Variants in LRP1B observed in about 807,000 individuals in gnomAD.
The protein encoded by LRP1B is low-density lipoprotein receptor-related protein 1B.
LRP1B carries 217 observed loss-of-function variants against 556.6 expected under a neutral mutation model. The observed-to-expected ratio is 0.39, with a 90% confidence interval of 0.35 to 0.44. The LOEUF (loss-of-function observed/expected upper bound fraction) is 0.44, where lower values mean the gene tolerates loss of function less well. Ranked by LOEUF, LRP1B falls within the 20% of genes least tolerant of loss-of-function variation. The pLI, the probability that LRP1B is intolerant of heterozygous loss-of-function variation, is 1.00. For missense variants in LRP1B, 5,053 were observed against 5,620.8 expected, an observed-to-expected ratio of 0.90 and a Z score of 3.23; for synonymous variants, 2,047 against 1,865.8, an observed-to-expected ratio of 1.10 and a Z score of -2.50.
chr2:141,612,843 C>T (rs1022971236), intron 2 of LRP1B, among the ~76,000 whole-genome samples: 1 of 152,132 alleles, frequency 6.6e-6, no homozygotes, highest in Non-Finnish European at 1.5e-5. Context: ...CGCTCTGTCA[C>T]CCAGGCTGGA....
chr2:141,634,762 A>G (rs570602128), intron 2 of LRP1B, among the ~76,000 whole-genome samples: 36 of 152,064 alleles, frequency 2.4e-4, no homozygotes, highest in Non-Finnish European at 4.9e-4. Flanking sequence ...TAGACTATTG[A>G]CAGGATTTTA....
At chr2:141,769,354 T>C (rs1004791071) in intron 2 of LRP1B, among the ~76,000 whole-genome samples, 2 of 152,200 alleles carry the variant, frequency 1.3e-5, no homozygotes, top group Admixed American at 6.5e-5. Flanking sequence ...TCCCTTGCAG[T>C]TAAGACAGAC....
intron 6 of LRP1B, among the ~76,000 whole-genome samples, chr2:141,214,108 G>A (rs1215754164): frequency 6.6e-6 from 1 of 152,130 alleles, no homozygotes; most frequent in African/African-American, 2.4e-5. Context: ...AGGACATGGA[G>A]CCCAAAGATG....
chr2:141,440,239 G>A (rs760141451), intron 3 of LRP1B, among the ~76,000 whole-genome samples: 2 of 152,200 alleles, frequency 1.3e-5, no homozygotes, highest in Non-Finnish European at 2.9e-5. Flanking sequence ...CGGCCCTCCT[G>A]CTCCAGGGAC....
chr2:141,005,200 T>G, intron 15 of LRP1B, 135 bp downstream of exon 15: 1 of 982,648 alleles, frequency 1.0e-6, no homozygotes, highest in Non-Finnish European at 1.4e-6. Flanking sequence ...TAATTTATAG[T>G]CTAAAAAGAA....
At chr2:140,666,918 C>A (rs1162310618) in intron 41 of LRP1B, among the ~76,000 whole-genome samples, 1 of 152,194 alleles carries the variant, frequency 6.6e-6, no homozygotes, top group Non-Finnish European at 1.5e-5. Flanking sequence ...CCCTAAAGTA[C>A]CAAACTTCCA....
At chr2:140,714,475 A>T (rs1687142373) in intron 37 of LRP1B, among the ~76,000 whole-genome samples, 1 of 152,136 alleles carries the variant, frequency 6.6e-6, no homozygotes, top group South Asian at 2.1e-4. Flanking sequence ...TTGAATAAGA[A>T]ATGAAAAGAA....
intron 33 of LRP1B, 116 bp downstream of exon 33, chr2:140,775,982 C>T (rs1353027080): frequency 2.2e-6 from 2 of 894,066 alleles, no homozygotes; most frequent in Middle Eastern, 3.6e-4. Context: ...TTCCTTTTTT[C>T]TCTGTTTTTA....
At chr2:140,409,043 T>C (rs1035650531) in intron 66 of LRP1B, among the ~76,000 whole-genome samples, 1 of 151,976 alleles carries the variant, frequency 6.6e-6, no homozygotes, top group African/African-American at 2.4e-5. Flanking sequence ...AACTTTTGTT[T>C]TTTACTATGA....
At chr2:140,345,879 A>T (rs115793485) in intron 77 of LRP1B, among the ~76,000 whole-genome samples, 46,111 of 137,224 alleles carry the variant, frequency 0.34, 8,781 homozygotes, top group Non-Finnish European at 0.43. Context: ...TATATATATA[A>T]AAAAAATAGC....
In LRP1B at chr2:141,583,481, C is replaced by T. The variant is rs1034171930; in HGVS notation, c.206-102948G>A. The stretch of plus-strand genomic sequence containing the variant: ...AGCAGGAAATGAAAAAATAACAGAT[C>T]TAAGAGGACCAACCCTCCAAAAATC... On this transcript the variant is annotated intron_variant, in intron 2 of 90. Transcript: ENST00000389484. Among the ~76,000 whole-genome samples the T allele has an allele frequency of 5.9e-5, 9 of 152,022 alleles. No individual in the cohort carries two copies. In the East Asian group the frequency reaches 9.7e-4, roughly 16 times the overall value.
At chr2:142,082,950 A>G (rs925773218) in intron 1 of LRP1B, among the ~76,000 whole-genome samples, 3 of 152,086 alleles carry the variant, frequency 2.0e-5, no homozygotes, top group Non-Finnish European at 4.4e-5. Flanking sequence ...TTATCTCTGC[A>G]AGATAAGAAG....
intron 2 of LRP1B, among the ~76,000 whole-genome samples, chr2:141,663,476 G>A (rs543150991): frequency 4.0e-5 from 6 of 151,418 alleles, no homozygotes; most frequent in Admixed American, 2.0e-4. Context: ...AGAAGAATCC[G>A]ATAGACACAA....
At chr2:141,072,098 TC>T (rs1699661383) in intron 7 of LRP1B, among the ~76,000 whole-genome samples, 1 of 151,960 alleles carries the variant, frequency 6.6e-6, no homozygotes, top group South Asian at 2.1e-4. Flanking sequence ...CAAACCAACC[TC>T]CCCTCTTCCT....
chr2:141,917,346 G>T (rs557063611), intron 1 of LRP1B, among the ~76,000 whole-genome samples: 1 of 152,134 alleles, frequency 6.6e-6, no homozygotes, highest in Admixed American at 6.5e-5. Context: ...TGGATGTGGT[G>T]TATGGTGTGT....
At chr2:141,364,971 T>C (rs1688964045) in intron 3 of LRP1B, among the ~76,000 whole-genome samples, 1 of 152,214 alleles carries the variant, frequency 6.6e-6, no homozygotes, top group Admixed American at 6.5e-5. Flanking sequence ...AATAAAGTAT[T>C]CTAAAGCTCA....
chr2:140,719,222 G>T (rs1371978002), intron 35 of LRP1B, among the ~76,000 whole-genome samples: 1 of 152,022 alleles, frequency 6.6e-6, no homozygotes, highest in Admixed American at 6.6e-5. Flanking sequence ...ATAAAGACTG[G>T]TTGGGAGGCA....
intron 86 of LRP1B, among the ~76,000 whole-genome samples, chr2:140,251,041 G>T (rs546461286): frequency 6.6e-6 from 1 of 151,826 alleles, no homozygotes; most frequent in South Asian, 2.1e-4. Context: ...AACACATGGT[G>T]AGTTAATTTA....
At chr2:141,794,404 A>C (rs1423922750) in intron 2 of LRP1B, among the ~76,000 whole-genome samples, 1 of 151,982 alleles carries the variant, frequency 6.6e-6, no homozygotes, top group African/African-American at 2.4e-5. Flanking sequence ...ATAAAATACC[A>C]GGTGAAGCTC....
Sources: allele counts gnomAD v4.1 joint callset (sites outside exome capture counted in the v4.1 genomes callset), GRCh38; gene constraint gnomAD v4.1.1; transcripts MANE v1.5; gene names NCBI Gene and HGNC (gene_info 2026-07-23, HGNC 2026-07-21).